Variants in FBXW11 observed in about 807,000 individuals in gnomAD.
FBXW11 encodes F-box and WD repeat domain containing 11.
FBXW11 carries 19 observed loss-of-function variants against 77.6 expected under a neutral mutation model. The observed-to-expected ratio is 0.24, with a 90% confidence interval of 0.17 to 0.36. The LOEUF is 0.36. FBXW11 is among the 10% of genes least tolerant of loss of function. The pLI, the probability that FBXW11 is intolerant of heterozygous loss-of-function variation, is 1.00. For synonymous variants in FBXW11, 235 were observed against 249.4 expected (o/e 0.94, Z 0.54); for missense variants, 334 against 704.2 (o/e 0.47, Z 5.95).
chr5:171,952,418 C>CATATATATATATATATATATAT (rs1763372365), intron 2 of FBXW11, among the ~76,000 whole-genome samples: 2 of 32,384 alleles, frequency 6.2e-5, no homozygotes, highest in Non-Finnish European at 1.2e-4. Context: ...GTTGTGTGTA[C>CATATATATATATATATATATAT]ATACATATAT....
At chr5:171,974,461 C>T (rs1382566753) in intron 1 of FBXW11, among the ~76,000 whole-genome samples, 2 of 150,830 alleles carry the variant, frequency 1.3e-5, no homozygotes, top group East Asian at 3.9e-4. Flanking sequence ...AAAAAATACA[C>T]ACACACACAC....
intron 13 of FBXW11, among the ~76,000 whole-genome samples, chr5:171,864,439 C>A (rs567724867): frequency 6.6e-6 from 1 of 152,304 alleles, no homozygotes; most frequent in South Asian, 2.1e-4. Flanking sequence ...TCTCTCAGTA[C>A]TGCTCTGAAA....
chr5:171,998,200 G>C lies in FBXW11; in HGVS notation c.45+8258C>G, dbSNP rs191558640. Among the ~76,000 whole-genome samples, 203 of 152,112 alleles carry C rather than the reference G, an allele frequency of 1.3e-3. 1 individual carries two copies. Among genetic ancestry groups the C allele is most frequent in the Non-Finnish European group, 2.3e-3 (153 of 67,990 alleles). ...CAAAATGGAGAACAATGAAAATACA[G>C]AAGAGTAAATATTTCAGCCTACATG... is the stretch of plus-strand genomic sequence containing the variant. On this transcript the variant is annotated intron_variant, in intron 1 of 13. Transcript: ENST00000517395.
chr5:171,969,481 A>C (rs1421310072), intron 1 of FBXW11, among the ~76,000 whole-genome samples: 1 of 152,216 alleles, frequency 6.6e-6, no homozygotes, highest in Non-Finnish European at 1.5e-5. Context: ...TCATTTAAAA[A>C]AGTTTACTAA....
At chr5:171,916,000 AAC>A (rs2113960504) in intron 2 of FBXW11, among the ~76,000 whole-genome samples, 1 of 151,844 alleles carries the variant, frequency 6.6e-6, no homozygotes, top group East Asian at 1.9e-4. Context: ...CAAAAAAACA[AAC>A]ACTGCATGTT....
At position 171,869,961 on chromosome 5, in the gene FBXW11, C is replaced by T. The variant is rs895909648; in HGVS notation, c.1452-154G>A. Among the ~76,000 whole-genome samples, 2 of 152,112 alleles carry T rather than the reference C, an allele frequency of 1.3e-5. No individual in the cohort carries two copies. The highest frequency in any genetic ancestry group is 4.8e-5 in the African/African-American group (2 of 41,440). On this transcript the variant is annotated intron_variant, in intron 11 of 13. Transcript: ENST00000517395. This position sits in a 1 kb window ranked among gnomAD's most constrained non-coding sequence, Gnocchi z 4.1. ...TTTTACAAATCATCTGAACCAATTA[C>T]ACTTGATTTTGGAAAAATTAAGAAC... is the stretch of plus-strand genomic sequence containing the variant.
At position 171,957,642 on chromosome 5, in the gene FBXW11, G is replaced by A. The variant is rs764260946; in HGVS notation, c.102C>T (p.Cys34=). The stretch of plus-strand genomic sequence containing the variant: ...GCATGCTCTGCAGGCAACTCAGTGC[G>A]CACATGCTCTCTACCAGGTTGGCGC... ...LGCANLVESM[C]ALSCLQSMPS... The change falls in exon 2 of 14, where the codon TGC becomes TGT. Residue 34 remains cysteine (C), a synonymous_variant. Transcript: ENST00000517395. 9.9e-6 allele frequency: 16 copies of A among 1,614,184 alleles called. No homozygotes were observed. Among genetic ancestry groups the A allele is most frequent in the Non-Finnish European group, 1.3e-5 (15 of 1,180,014 alleles).
At chr5:171,868,846 A>T in intron 12 of FBXW11, 50 bp from the exon 13 acceptor site, 1 of 1,531,482 alleles carries the variant, frequency 6.5e-7, no homozygotes. Flanking sequence ...ACAGCCCCTG[A>T]TATCTCACAA....
chr5:171,873,423 T>C (rs1377661235), intron 9 of FBXW11, among the ~76,000 whole-genome samples: 2 of 152,134 alleles, frequency 1.3e-5, no homozygotes, highest in African/African-American at 2.4e-5. Flanking sequence ...GACAGGAGAA[T>C]TGCTTGAGCT....
At chr5:171,998,440 G>T (rs1226664330) in intron 1 of FBXW11, among the ~76,000 whole-genome samples, 2 of 150,312 alleles carry the variant, frequency 1.3e-5, no homozygotes, top group African/African-American at 4.9e-5. Flanking sequence ...CTCCCAAAGG[G>T]CTGGGATTAC....
intron 7 of FBXW11, among the ~76,000 whole-genome samples, chr5:171,887,084 A>G (rs1310704558): frequency 6.6e-6 from 1 of 152,210 alleles, no homozygotes; most frequent in Non-Finnish European, 1.5e-5. Context: ...AACTTGGGAA[A>G]CACTGGGTGT....
intron 1 of FBXW11, chr5:171,996,842 C>A: frequency 8.4e-7 from 1 of 1,194,336 alleles, no homozygotes; most frequent in Non-Finnish European, 1.1e-6. Flanking sequence ...AAATTTCTTT[C>A]AGCGAGTTGA....
rs757895591 is a variant in FBXW11, at chr5:171,899,108, A to C, written c.624-14T>G. ...AGGTACTGATCCCTGGCAAATAAAA[A>C]CAAACAGATGTTACATTTTTGCACA... On this transcript the variant is annotated splice_polypyrimidine_tract_variant and intron_variant, in intron 5 of 13. Transcript: ENST00000517395. The C allele has an allele frequency of 2.6e-5, 40 of 1,557,156 alleles. No homozygotes were observed. The East Asian group carries it at 9.0e-4, about 35-fold the overall frequency.
chr5:171,881,837 T>C (rs1044926935), intron 7 of FBXW11, among the ~76,000 whole-genome samples: 1 of 152,256 alleles, frequency 6.6e-6, no homozygotes. Context: ...ATTCATTTCA[T>C]ATAAATTATC....
At chr5:171,970,381 C>T (rs1332247895) in intron 1 of FBXW11, among the ~76,000 whole-genome samples, 1 of 152,168 alleles carries the variant, frequency 6.6e-6, no homozygotes, top group Non-Finnish European at 1.5e-5. Context: ...CACCATGCTT[C>T]TAAGTTTCCT....
At chr5:171,926,601 C>T (rs751819791) in intron 2 of FBXW11, among the ~76,000 whole-genome samples, 22 of 152,306 alleles carry the variant, frequency 1.4e-4, no homozygotes, top group South Asian at 4.1e-4. Flanking sequence ...TCCGGCCACA[C>T]GAAGTGCCCG....
chr5:171,897,379 A>G (rs1759810418), intron 6 of FBXW11, among the ~76,000 whole-genome samples: 1 of 152,168 alleles, frequency 6.6e-6, no homozygotes, highest in Admixed American at 6.5e-5. Context: ...GTTTTTCCAA[A>G]CCACACTTTA....
intron 3 of FBXW11, among the ~76,000 whole-genome samples, chr5:171,911,964 G>GA (rs1166001213): frequency 1.3e-5 from 2 of 151,992 alleles, no homozygotes; most frequent in African/African-American, 4.8e-5. Flanking sequence ...CATAATACCA[G>GA]AAAAAATAAC....
chr5:171,893,440 A>AAAAAAAAC, intron 6 of FBXW11, among the ~76,000 whole-genome samples: 1 of 148,234 alleles, frequency 6.7e-6, no homozygotes, highest in South Asian at 2.1e-4. Context: ...AAAAAAAAAA[A>AAAAAAAAC]AAAAAAACTA....
Sources: gnomAD v4.1 joint callset for allele counts (sites outside exome capture counted in the v4.1 genomes callset) on GRCh38, gnomAD v4.1.1 for gene constraint, Gnocchi (gnomAD v3.1) non-coding constraint, MANE v1.5 for transcripts, NCBI Gene and HGNC (gene_info 2026-07-23, HGNC 2026-07-21) for gene names.